Variants in PRKAR1A observed in about 807,000 individuals in gnomAD.
PRKAR1A encodes the protein protein kinase cAMP-dependent type I regulatory subunit alpha.
PRKAR1A carries 3 observed loss-of-function variants against 52.0 expected under a neutral mutation model. That is an observed-to-expected ratio of 0.06 (90% CI 0.03 to 0.15). PRKAR1A has a LOEUF of 0.15. Among genes scored for constraint, PRKAR1A ranks in the 10% least tolerant of loss-of-function variants. The probability of loss-of-function intolerance (pLI) is 1.00; values close to 1 mark genes in which losing one functional copy is unlikely to be tolerated. For synonymous variants in PRKAR1A, 188 were observed against 168.4 expected (o/e 1.12, Z -0.90); for missense variants, 240 against 477.4 (o/e 0.50, Z 4.63).
At chr17:68,550,443 C>T (rs139948705) in intron 11 of PRKAR1A, among the ~76,000 whole-genome samples, 3,223 of 129,946 alleles carry the variant, frequency 0.025, 137 homozygotes, top group African/African-American at 0.09. Flanking sequence ...TGCAGTGGTG[C>T]GATCTCAGCT....
chr17:68,542,580 C>T (rs1169943976), intron 11 of PRKAR1A: 1 of 824,178 alleles, frequency 1.2e-6, no homozygotes, highest in Non-Finnish European at 2.1e-6. Flanking sequence ...ATACGCCCAT[C>T]CCAGTAATGG....
chr17:68,427,159 C>T, the PRKAR1A span: 93 of 1,614,058 alleles, frequency 5.8e-5, no homozygotes, highest in Middle Eastern at 6.6e-4. Context: ...GCTGAAGATG[C>T]ACTTGGTCTG....
At chr17:68,414,829 A>G in the PRKAR1A span, among the ~76,000 whole-genome samples, 2 of 152,158 alleles carry the variant, frequency 1.3e-5, no homozygotes, top group East Asian at 3.8e-4. Flanking sequence ...AAAGGTGTTC[A>G]TAGTAGCCTT....
the PRKAR1A span, among the ~76,000 whole-genome samples, chr17:68,417,469 G>A: frequency 4.6e-5 from 7 of 152,034 alleles, no homozygotes; most frequent in East Asian, 1.9e-4. Context: ...TTTGGGTGCC[G>A]CGGTGGGGGG....
Position 68,532,669 on chromosome 17 carries a change from C to T in PRKAR1A, c.*2220C>T. On this transcript the variant is annotated 3_prime_UTR_variant, in exon 11 of 11. Coordinates refer to ENST00000589228, the MANE Select transcript of PRKAR1A (RefSeq NM_002734.5). Reference sequence around the variant, plus strand: ...CCGTTTTGTATTGCTTCCTGATTACCAGTCTGATTATACCATGTGTGCTAA... The same window carrying T: ...CCGTTTTGTATTGCTTCCTGATTACTAGTCTGATTATACCATGTGTGCTAA... 1 of 1,066,234 alleles carries T rather than the reference C, an allele frequency of 9.4e-7. No homozygotes were observed. The highest frequency in any genetic ancestry group is 1.1e-6 in the Non-Finnish European group (1 of 879,636). 66.0% of individuals were successfully genotyped at this position (1,066,234 alleles called of 1,614,324 possible). A position where few individuals can be genotyped will look rare whatever the true frequency, so the allele number is the denominator to read the frequency against.
the PRKAR1A span, among the ~76,000 whole-genome samples, chr17:68,434,315 G>A: frequency 7.2e-5 from 11 of 152,118 alleles, no homozygotes; most frequent in South Asian, 2.1e-4. Flanking sequence ...TGTGCCGGCC[G>A]CCCACACACA....
the PRKAR1A span, among the ~76,000 whole-genome samples, chr17:68,475,133 A>C: frequency 6.6e-6 from 1 of 152,226 alleles, no homozygotes; most frequent in Non-Finnish European, 1.5e-5. Flanking sequence ...ATATGTTTCA[A>C]ATCCATTCCT....
At chr17:68,433,504 G>A in the PRKAR1A span, 8 of 1,614,026 alleles carry the variant, frequency 5.0e-6, no homozygotes, top group African/African-American at 1.3e-5. Context: ...GATGTGTACC[G>A]TCTCGGTGTT....
chr17:68,437,948 TAA>T, the PRKAR1A span, among the ~76,000 whole-genome samples: 339 of 78,774 alleles, frequency 4.3e-3, 4 homozygotes, highest in Non-Finnish European at 6.6e-3. Flanking sequence ...ACATCTCTCT[TAA>T]AAAAAAAAAA....
the PRKAR1A span, among the ~76,000 whole-genome samples, chr17:68,427,769 G>A: frequency 2.0e-5 from 3 of 152,214 alleles, no homozygotes; most frequent in African/African-American, 7.2e-5. Context: ...GTACACACAG[G>A]TGAGGACATG....
chr17:68,533,844 C>T (rs1229223866), downstream of PRKAR1A, among the ~76,000 whole-genome samples: 1 of 152,192 alleles, frequency 6.6e-6, no homozygotes, highest in African/African-American at 2.4e-5. Flanking sequence ...TCTTGTACCT[C>T]AGCCTCTGGA....
the PRKAR1A span, chr17:68,444,490 C>T: frequency 6.2e-7 from 1 of 1,611,764 alleles, no homozygotes; most frequent in African/African-American, 1.3e-5. Context: ...TTTTGGAGCT[C>T]ACCTGTTGGG....
At chr17:68,524,609 T>C (rs952864725) in intron 5 of PRKAR1A, among the ~76,000 whole-genome samples, 1 of 152,238 alleles carries the variant, frequency 6.6e-6, no homozygotes, top group Admixed American at 6.5e-5. Flanking sequence ...TAATTTGTTA[T>C]TAACTATTTG....
chr17:68,530,390 T>G lies in PRKAR1A; in HGVS notation c.1087T>G (p.Ser363Ala), dbSNP rs2085940685. Reference protein sequence around the residue: ...PRFERVLGPCSDILKRNIQQY... With the variant: ...PRFERVLGPCADILKRNIQQY... ...ATTTGAACGTGTTCTTGGCCCATGC[T>G]CAGACATCCTCAAACGAAACATCCA... The change falls in exon 11 of 11, where the codon TCA (serine) becomes GCA (alanine). Residue 363 changes from serine to alanine, a missense_variant. By Grantham distance (99) the Ser-to-Ala change is moderately conservative. This residue lies in a region of PRKAR1A where 26 missense variants were observed against 53.6 expected (regional missense o/e 0.48). Transcript: ENST00000589228. The G allele has an allele frequency of 6.2e-7, 1 of 1,614,002 alleles. No individual in the cohort carries two copies. The highest frequency in any genetic ancestry group is 8.5e-7 in the Non-Finnish European group (1 of 1,179,984).
At chr17:68,508,761 T>A (rs552406606), upstream of PRKAR1A, among the ~76,000 whole-genome samples, 1 of 152,370 alleles carries the variant, frequency 6.6e-6, no homozygotes, top group East Asian at 1.9e-4. Context: ...TAGTGTTAGA[T>A]CCAAGTTTGC....
At chr17:68,494,448 A>G in the PRKAR1A span, among the ~76,000 whole-genome samples, 4 of 152,154 alleles carry the variant, frequency 2.6e-5, no homozygotes, top group African/African-American at 9.7e-5. Flanking sequence ...AGGCTGAGGC[A>G]TGAGAATCGC....
At chr17:68,474,102 G>A in the PRKAR1A span, among the ~76,000 whole-genome samples, 2 of 152,090 alleles carry the variant, frequency 1.3e-5, no homozygotes, top group Non-Finnish European at 2.9e-5. Context: ...CATTGATACT[G>A]TTTTCATTCT....
At chr17:68,518,725 C>T (rs1038010460) in intron 2 of PRKAR1A, among the ~76,000 whole-genome samples, 31 of 152,232 alleles carry the variant, frequency 2.0e-4, no homozygotes, top group Admixed American at 6.5e-5. Context: ...TAACATTTGG[C>T]TCCTTGTTAC....
intron 8 of PRKAR1A, 141 bp downstream of exon 8, chr17:68,528,041 C>A: frequency 1.4e-6 from 1 of 728,176 alleles, no homozygotes; most frequent in African/African-American, 1.8e-5. Flanking sequence ...GTCCTTCTGA[C>A]TGTGGACATT....
Sources: gnomAD v4.1 joint callset for allele counts (sites outside exome capture counted in the v4.1 genomes callset) on GRCh38, gnomAD v4.1.1 for gene constraint, gnomAD v4.1.1 regional missense constraint, MANE v1.5 for transcripts, NCBI Gene and HGNC (gene_info 2026-07-23, HGNC 2026-07-21) for gene names.